The following RPS6KC1 variants were observed in gnomAD, a reference collection of about 807,000 sequenced individuals.
The protein encoded by RPS6KC1 is inactive ribosomal protein S6 kinase delta-1.
RPS6KC1 carries 54 observed loss-of-function variants against 103.8 expected under a neutral mutation model. The ratio of observed to expected loss-of-function variants is 0.52; its 90% CI spans 0.42 to 0.65. RPS6KC1 has a LOEUF of 0.65. Ranked by LOEUF, RPS6KC1 falls within the 30% of genes least tolerant of loss-of-function variation. The pLI, the probability that RPS6KC1 is intolerant of heterozygous loss-of-function variation, is 0.00. For synonymous variants in RPS6KC1, 439 were observed against 438.7 expected (o/e 1.00, Z -0.01); for missense variants, 1,151 against 1,253.8 (o/e 0.92, Z 1.24).
the RPS6KC1 span, among the ~76,000 whole-genome samples, chr1:213,551,892 A>T: frequency 6.6e-6 from 1 of 152,140 alleles, no homozygotes; most frequent in African/African-American, 2.4e-5. Flanking sequence ...GGCAACCACT[A>T]ATCTTTTTAT....
chr1:213,669,614 C>T, the RPS6KC1 span, among the ~76,000 whole-genome samples: 30 of 152,194 alleles, frequency 2.0e-4, no homozygotes, highest in Non-Finnish European at 3.7e-4. Context: ...TTGTTTGGTG[C>T]GGTTGCCACA....
At chr1:213,084,992 C>T (rs1020517764) in intron 3 of RPS6KC1, among the ~76,000 whole-genome samples, 2 of 152,148 alleles carry the variant, frequency 1.3e-5, no homozygotes, top group Non-Finnish European at 2.9e-5. Context: ...GTGTTAGTTT[C>T]CTGGGGCTGC....
At chr1:213,710,397 G>A in the RPS6KC1 span, among the ~76,000 whole-genome samples, 1 of 151,830 alleles carries the variant, frequency 6.6e-6, no homozygotes, top group Non-Finnish European at 1.5e-5. Flanking sequence ...TTTATTTTGA[G>A]CCTATATGTG....
chr1:213,673,417 G>A, the RPS6KC1 span, among the ~76,000 whole-genome samples: 1 of 152,224 alleles, frequency 6.6e-6, no homozygotes, highest in Middle Eastern at 3.2e-3. Flanking sequence ...TTGTCAGCCA[G>A]ATGTACAGAA....
chr1:213,414,435 A>G, the RPS6KC1 span, among the ~76,000 whole-genome samples: 1 of 152,184 alleles, frequency 6.6e-6, no homozygotes, highest in African/African-American at 2.4e-5. Context: ...TGTCCTCACA[A>G]GAGATAGAAC....
the RPS6KC1 span, among the ~76,000 whole-genome samples, chr1:213,726,970 A>C: frequency 1.3e-5 from 2 of 152,286 alleles, no homozygotes; most frequent in East Asian, 1.9e-4. Flanking sequence ...TTTTAATCTT[A>C]GGGCGCCACC....
the RPS6KC1 span, among the ~76,000 whole-genome samples, chr1:213,409,223 C>T: frequency 6.6e-6 from 1 of 152,020 alleles, no homozygotes; most frequent in East Asian, 1.9e-4. Flanking sequence ...TAGGTTGGTG[C>T]TAAAGTTATT....
At chr1:213,190,681 T>G (rs2092713385) in intron 8 of RPS6KC1, among the ~76,000 whole-genome samples, 1 of 152,220 alleles carries the variant, frequency 6.6e-6, no homozygotes, top group Non-Finnish European at 1.5e-5. Context: ...CCATTTTTGC[T>G]TTGGTTGCCT....
At chr1:213,258,448 T>C (rs1046460520) in intron 12 of RPS6KC1, among the ~76,000 whole-genome samples, 2 of 152,170 alleles carry the variant, frequency 1.3e-5, no homozygotes, top group African/African-American at 4.8e-5. Context: ...AACCACTAAC[T>C]ATACTAGGGG....
the RPS6KC1 span, among the ~76,000 whole-genome samples, chr1:213,307,141 C>A: frequency 1.3e-5 from 2 of 148,484 alleles, no homozygotes; most frequent in African/African-American, 5.0e-5. Flanking sequence ...TGGCTCACTG[C>A]AAGCTCTGCC....
chr1:213,150,891 C>T (rs1183691116), intron 6 of RPS6KC1, among the ~76,000 whole-genome samples: 8 of 151,924 alleles, frequency 5.3e-5, no homozygotes, highest in South Asian at 2.1e-4. Context: ...TAGGGGTGGC[C>T]GGGCAGAGGC....
chr1:213,697,339 T>C, the RPS6KC1 span, among the ~76,000 whole-genome samples: 1 of 152,242 alleles, frequency 6.6e-6, no homozygotes, highest in Non-Finnish European at 1.5e-5. Context: ...CACTGGTCCC[T>C]GCTTCAGAAC....
the RPS6KC1 span, among the ~76,000 whole-genome samples, chr1:213,500,982 T>C: frequency 1.5e-3 from 233 of 152,230 alleles, no homozygotes; most frequent in African/African-American, 5.0e-3. Flanking sequence ...AAGAAAACTA[T>C]AAAGTATTGC....
chr1:213,568,582 ATG>A, the RPS6KC1 span, among the ~76,000 whole-genome samples: 2 of 152,172 alleles, frequency 1.3e-5, no homozygotes, highest in South Asian at 4.1e-4. Flanking sequence ...TTTATAGAGA[ATG>A]TTCTCCAGGG....
the RPS6KC1 span, among the ~76,000 whole-genome samples, chr1:213,830,727 C>T: frequency 3.3e-5 from 5 of 151,324 alleles, no homozygotes; most frequent in African/African-American, 4.9e-5. Flanking sequence ...TTCAGCCTCA[C>T]GGGTCAACCT....
Position 213,204,692 on chromosome 1 carries a change from C to T in RPS6KC1, c.1045-25805C>T, listed in dbSNP as rs147181808. The stretch of plus-strand genomic sequence containing the variant: ...AGGCTGGAGTGTAGTGGTATGATTA[C>T]GGCTTACTGCAGTCCCGACGTCTTG... On this transcript the variant is annotated intron_variant, in intron 8 of 14. Coordinates refer to ENST00000366960, the MANE Select transcript of RPS6KC1 (RefSeq NM_012424.6). Among the ~76,000 whole-genome samples the T allele has an allele frequency of 9.1e-4, 132 of 145,432 alleles. No homozygotes were observed. In the Middle Eastern group the frequency reaches 0.015, roughly 16 times the overall value.
At chr1:213,158,396 C>T (rs1309771552) in intron 6 of RPS6KC1, among the ~76,000 whole-genome samples, 1 of 152,216 alleles carries the variant, frequency 6.6e-6, no homozygotes, top group Non-Finnish European at 1.5e-5. Context: ...GACCCACCTA[C>T]AGCTTCCTCA....
the RPS6KC1 span, among the ~76,000 whole-genome samples, chr1:213,306,293 G>T: frequency 1.3e-5 from 2 of 152,110 alleles, no homozygotes; most frequent in East Asian, 3.9e-4. Context: ...GTCCAGGAAG[G>T]AAAGAAGCTG....
At chr1:213,803,474 C>T in the RPS6KC1 span, among the ~76,000 whole-genome samples, 10 of 151,924 alleles carry the variant, frequency 6.6e-5, no homozygotes, top group East Asian at 3.9e-4. Flanking sequence ...TTCAAACTCC[C>T]GATCCCAGGT....
Sources: allele counts gnomAD v4.1 joint callset (sites outside exome capture counted in the v4.1 genomes callset), GRCh38; gene constraint gnomAD v4.1.1; transcripts MANE v1.5; gene names NCBI Gene and HGNC (gene_info 2026-07-23, HGNC 2026-07-21).